The following MIXL1 variants were observed in gnomAD, a reference collection of about 807,000 sequenced individuals.
MIXL1 encodes homeobox protein MIXL1.
MIXL1 carries 9 observed loss-of-function variants against 9.3 expected under a neutral mutation model. The ratio of observed to expected loss-of-function variants is 0.97; its 90% CI spans 0.58 to 1.69. The LOEUF is 1.69. MIXL1 is among the 40% of genes most tolerant of loss of function. The pLI is 0.00. For synonymous variants in MIXL1, 164 were observed against 155.6 expected (o/e 1.05, Z -0.40); for missense variants, 330 against 331.7 (o/e 0.99, Z 0.04).
chr1:226,225,072 G>T (rs1488774055), intron 1 of MIXL1, among the ~76,000 whole-genome samples: 1 of 152,138 alleles, frequency 6.6e-6, no homozygotes, highest in Non-Finnish European at 1.5e-5. Flanking sequence ...TGGGAGAGTG[G>T]ACTTGTTTTC....
rs1657148223 is a variant in MIXL1 at position 226,225,830 on chromosome 1, G to A, written c.*18G>A. The A allele has an allele frequency of 6.3e-7, 1 of 1,591,650 alleles. No homozygotes were observed. The highest frequency in any genetic ancestry group is 2.2e-5 in the East Asian group (1 of 44,764). ...ACTTTTGAGGATTCTGGGAGAATTC[G>A]GGATAAGCTCTGAGGAGCCATGACT... On this transcript the variant is annotated 3_prime_UTR_variant, in exon 2 of 2. Coordinates refer to ENST00000366810, the MANE Select transcript of MIXL1 (RefSeq NM_031944.3).
intron 1 of MIXL1, among the ~76,000 whole-genome samples, chr1:226,224,876 G>C (rs1315376561): frequency 6.6e-6 from 1 of 152,164 alleles, no homozygotes; most frequent in Non-Finnish European, 1.5e-5. Context: ...CTGACCTCAG[G>C]TGATCCACCC....
In MIXL1 at chr1:226,223,694, G is replaced by T; in HGVS notation, c.13G>T (p.Glu5Ter). Residue 5 changes from glutamate to a stop codon, truncating the protein, a stop_gained, in exon 1 of 2, where the codon GAG becomes TAG. Transcript: ENST00000366810. LOFTEE classifies it high-confidence loss of function. MATA[E>*]SRALQFAEGA... is the part of the protein sequence containing the mutation. ...GGGTTCCGGAGCGATGGCCACAGCC[G>T]AGTCCCGTGCGCTCCAGTTTGCCGA... The T allele has an allele frequency of 6.8e-7, 1 of 1,472,698 alleles. No individual in the cohort carries two copies. The highest frequency in any genetic ancestry group is 8.9e-7 in the Non-Finnish European group (1 of 1,119,840). The allele number at this position is 1,472,698 out of a possible 1,614,324, so 91.2% of individuals were successfully genotyped here. A position where few individuals can be genotyped will look rare whatever the true frequency, so the allele number is the denominator to read the frequency against.
chr1:226,226,822 A>C lies in MIXL1; in HGVS notation c.*1010A>C, dbSNP rs1266680491. 6.6e-6 allele frequency: 1 copy of C among 152,178 alleles called. No homozygotes were observed. 9.4% of individuals were successfully genotyped at this position (152,178 alleles called of 1,614,324 possible). A position where few individuals can be genotyped will look rare whatever the true frequency, so the allele number is the denominator to read the frequency against. Reference sequence around the variant, plus strand: ...GACAGCTATGCAAATCTGAAGGTCAACTATCCACAATATATGCTTTGGTCT... The same window carrying C: ...GACAGCTATGCAAATCTGAAGGTCACCTATCCACAATATATGCTTTGGTCT... On this transcript the variant is annotated 3_prime_UTR_variant, in exon 2 of 2. Coordinates refer to ENST00000366810, the MANE Select transcript of MIXL1 (RefSeq NM_031944.3).
chr1:226,225,038 A>G (rs1186915176), intron 1 of MIXL1, among the ~76,000 whole-genome samples: 2 of 152,106 alleles, frequency 1.3e-5, no homozygotes, highest in East Asian at 3.8e-4. Flanking sequence ...GCGCAGTTTT[A>G]AGTAGCAGCC....
At position 226,224,049 on chromosome 1, in the gene MIXL1, C is replaced by G. The variant is rs1466967033; in HGVS notation, c.368C>G (p.Thr123Ser). 1.5e-6 allele frequency: 2 copies of G among 1,369,252 alleles called. No individual in the cohort carries two copies. The highest frequency in any genetic ancestry group is 1.9e-6 in the Non-Finnish European group (2 of 1,049,742). 84.8% of individuals were successfully genotyped at this position (1,369,252 alleles called of 1,614,324 possible). The change falls in exon 1 of 2, where the codon ACC becomes AGC. Residue 123 changes from threonine (T) to serine (S), a missense_variant. By Grantham distance (58) the Thr-to-Ser change is moderately conservative. Transcript: ENST00000366810. Reference protein sequence around the residue: ...IHLRERLAALTLLPESRIQVW... With the variant: ...IHLRERLAALSLLPESRIQVW... ...TTGCGCGAGCGCCTGGCCGCGCTCA[C>G]CCTGCTCCCCGAGTCCAGGATCCAG...
intron 1 of MIXL1, among the ~76,000 whole-genome samples, chr1:226,224,642 T>C (rs963644748): frequency 2.6e-5 from 4 of 152,200 alleles, no homozygotes; most frequent in Non-Finnish European, 2.9e-5. Flanking sequence ...TTTTTATTTA[T>C]TTAGTTTTTA....
Position 226,225,582 on chromosome 1 carries a change from AT to A in MIXL1, c.471del (p.Ile158SerfsTer14). ...KSFQPLARPE[I>X]ILNHCAPGTE... ...CTTCCAACCTTTGGCTAGGCCGGAG[AT>A]TATCCTCAACCACTGTGCTCCTGGA... On this transcript the variant is annotated frameshift_variant, in exon 2 of 2. Transcript: ENST00000366810. LOFTEE classifies it low-confidence loss of function (END_TRUNC). The A allele has an allele frequency of 6.2e-7, 1 of 1,614,188 alleles. No individual in the cohort carries two copies. The highest frequency in any genetic ancestry group is 1.1e-5 in the South Asian group (1 of 91,078).
At chr1:226,224,443 C>T (rs1442013735) in intron 1 of MIXL1, among the ~76,000 whole-genome samples, 1 of 152,110 alleles carries the variant, frequency 6.6e-6, no homozygotes, top group Admixed American at 6.6e-5. Flanking sequence ...TGGGGTTTTC[C>T]TCTGGCTTTG....
rs1248036868 is a variant in MIXL1 at position 226,226,900 on chromosome 1, C to T, written c.*1088C>T. ...AAATTCATACCTTTTGCTTTCAAAA[C>T]ACTCGAGGACTCCCCACCTGCCTTC... On this transcript the variant is annotated 3_prime_UTR_variant, in exon 2 of 2. Coordinates refer to ENST00000366810, the MANE Select transcript of MIXL1 (RefSeq NM_031944.3). 1 of 152,146 alleles carries T rather than the reference C, an allele frequency of 6.6e-6. No individual in the cohort carries two copies. Among genetic ancestry groups the T allele is most frequent in the Non-Finnish European group, 1.5e-5 (1 of 68,034 alleles). The allele number at this position is 152,146 out of a possible 1,614,324, so 9.4% of individuals were successfully genotyped here.
rs146383673 is a variant in MIXL1 at position 226,226,336 on chromosome 1, A to G, written c.*524A>G. On this transcript the variant is annotated 3_prime_UTR_variant, in exon 2 of 2. Coordinates refer to ENST00000366810, the MANE Select transcript of MIXL1 (RefSeq NM_031944.3). Reference sequence around the variant, plus strand: ...ATAGCTCCAATGACTCTGCATGCAGATTATTTCGACAGCCCCCTTGCCTCT... The same window carrying G: ...ATAGCTCCAATGACTCTGCATGCAGGTTATTTCGACAGCCCCCTTGCCTCT... 1 of 152,488 alleles carries G rather than the reference A, an allele frequency of 6.6e-6. No homozygotes were observed. Among genetic ancestry groups the G allele is most frequent in the Non-Finnish European group, 1.5e-5 (1 of 68,284 alleles). The allele number at this position is 152,488 out of a possible 1,614,324, so 9.4% of individuals were successfully genotyped here. A position where few individuals can be genotyped will look rare whatever the true frequency, so the allele number is the denominator to read the frequency against.
chr1:226,225,480 C>A, intron 1 of MIXL1, 27 bp from the exon 2 acceptor site: 1 of 1,606,314 alleles, frequency 6.2e-7, no homozygotes, highest in Non-Finnish European at 8.5e-7. Flanking sequence ...CAACCAAAAG[C>A]AGCTTTTATT....
chr1:226,223,675 C>T lies in MIXL1; in HGVS notation c.-7C>T. On this transcript the variant is annotated 5_prime_UTR_variant, in exon 1 of 2. Transcript: ENST00000366810. ...CCCCTCCGAGCGGCGCGCTGGGTTC[C>T]GGAGCGATGGCCACAGCCGAGTCCC... The T allele has an allele frequency of 7.0e-7, 1 of 1,418,940 alleles. No homozygotes were observed. The highest frequency in any genetic ancestry group is 1.5e-5 in the South Asian group (1 of 65,060). 87.9% of individuals were successfully genotyped at this position (1,418,940 alleles called of 1,614,324 possible).
At position 226,225,506 on chromosome 1, in the gene MIXL1, G is replaced by C; in HGVS notation, c.394-1G>C. On this transcript the variant is annotated splice_acceptor_variant, in intron 1 of 1. Coordinates refer to ENST00000366810, the MANE Select transcript of MIXL1 (RefSeq NM_031944.3). LOFTEE classifies it high-confidence loss of function. ...AGCTTTTATTTTCTCCCCTCTTCCA[G>C]GTATGGTTCCAGAACAGGCGTGCCA... The C allele has an allele frequency of 6.2e-7, 1 of 1,613,478 alleles. No individual in the cohort carries two copies. The highest frequency in any genetic ancestry group is 1.7e-5 in the Admixed American group (1 of 59,906).
chr1:226,225,914 T>G lies in MIXL1; in HGVS notation c.*102T>G. The G allele has an allele frequency of 1.0e-6, 1 of 968,188 alleles. No homozygotes were observed. Among genetic ancestry groups the G allele is most frequent in the Non-Finnish European group, 1.6e-6 (1 of 644,352 alleles). 60.0% of individuals were successfully genotyped at this position (968,188 alleles called of 1,614,324 possible). On this transcript the variant is annotated 3_prime_UTR_variant, in exon 2 of 2. Transcript: ENST00000366810. ...CTTTCTGACTTCCATGCTAAGGACA[T>G]GTCCTTGTTAACCTTGATGATGGTT...
chr1:226,223,818 G>A lies in MIXL1; in HGVS notation c.137G>A (p.Gly46Asp). 1.6e-6 allele frequency: 2 copies of A among 1,218,180 alleles called. No homozygotes were observed. Among genetic ancestry groups the A allele is most frequent in the Non-Finnish European group, 2.0e-6 (2 of 980,802 alleles). 75.5% of individuals were successfully genotyped at this position (1,218,180 alleles called of 1,614,324 possible). A position where few individuals can be genotyped will look rare whatever the true frequency, so the allele number is the denominator to read the frequency against. ...AAALLPAPPAGPGPATFAGFL... is the reference protein window; with the variant it reads ...AAALLPAPPADPGPATFAGFL... ...GCCCTGCTCCCTGCGCCGCCCGCGG[G>A]CCCCGGCCCAGCGACCTTTGCGGGC... Residue 46 changes from glycine (G) to aspartate (D), a missense_variant, in exon 1 of 2, where the codon GGC becomes GAC. Gly to Asp is a moderately conservative substitution (Grantham distance 94). Transcript: ENST00000366810.
chr1:226,224,318 G>T (rs1657098420), intron 1 of MIXL1, among the ~76,000 whole-genome samples: 1 of 152,162 alleles, frequency 6.6e-6, no homozygotes. Flanking sequence ...ATATAATAAG[G>T]GCTCCTAGGA....
chr1:226,223,861 C>A lies in MIXL1; in HGVS notation c.180C>A (p.Pro60=). ...TTGCGGGCTTCCTCGGCCGGGACCCCGGGCCGGCCCCGCCGCCCCCCGCCA... is the reference window on the plus strand; with the variant it reads ...TTGCGGGCTTCCTCGGCCGGGACCCAGGGCCGGCCCCGCCGCCCCCCGCCA... ...ATFAGFLGRD[P]GPAPPPPASL... is the part of the protein sequence containing the mutation. Residue 60 remains proline, a synonymous_variant, in exon 1 of 2, where the codon CCC becomes CCA. Transcript: ENST00000366810. 8.4e-7 allele frequency: 1 copy of A among 1,196,238 alleles called. No individual in the cohort carries two copies. The highest frequency in any genetic ancestry group is 1.0e-6 in the Non-Finnish European group (1 of 966,932). 74.1% of individuals were successfully genotyped at this position (1,196,238 alleles called of 1,614,324 possible). A position where few individuals can be genotyped will look rare whatever the true frequency, so the allele number is the denominator to read the frequency against.
chr1:226,225,657 A>C lies in MIXL1; in HGVS notation c.544A>C (p.Asn182His). 1 of 1,614,184 alleles carries C rather than the reference A, an allele frequency of 6.2e-7. No individual in the cohort carries two copies. ...KPQLPLEVDV[N>H]CLPEPNGVGG... ...CCAGCTGCCTCTTGAGGTAGATGTG[A>C]ACTGCCTGCCCGAACCAAACGGGGT... Residue 182 changes from asparagine to histidine, a missense_variant, in exon 2 of 2, where the codon AAC (asparagine) becomes CAC (histidine). Coordinates refer to ENST00000366810, the MANE Select transcript of MIXL1 (RefSeq NM_031944.3).
Sources: gnomAD v4.1 joint callset for allele counts (sites outside exome capture counted in the v4.1 genomes callset) on GRCh38, gnomAD v4.1.1 for gene constraint, MANE v1.5 for transcripts, NCBI Gene and HGNC (gene_info 2026-07-23, HGNC 2026-07-21) for gene names.